Variants in NDST4 observed in about 807,000 individuals in gnomAD.
NDST4 encodes the protein N-heparan sulfate sulfotransferase 4.
In NDST4, 63 loss-of-function variants were observed where a neutral mutation model predicts 100.8. That is an observed-to-expected ratio of 0.62 (90% CI 0.51 to 0.77). NDST4 has a LOEUF of 0.77. Ranked by LOEUF, NDST4 falls within the 30% of genes least tolerant of loss-of-function variation. The pLI is 0.00. For missense variants in NDST4, 943 were observed against 1,018.4 expected (o/e 0.93, Z 1.01); for synonymous variants, 377 against 361.8 (o/e 1.04, Z -0.48).
At chr4:114,918,771 T>G (rs2126218158) in intron 6 of NDST4, among the ~76,000 whole-genome samples, 1 of 152,218 alleles carries the variant, frequency 6.6e-6, no homozygotes, top group South Asian at 2.1e-4. Context: ...GTTTGAAGTC[T>G]TCATTTGCAT....
intron 6 of NDST4, among the ~76,000 whole-genome samples, chr4:114,914,767 A>T (rs994574389): frequency 6.6e-6 from 1 of 152,172 alleles, no homozygotes; most frequent in African/African-American, 2.4e-5. Flanking sequence ...GGAAATGGAG[A>T]TGCGAAGTAC....
intron 2 of NDST4, among the ~76,000 whole-genome samples, chr4:114,988,410 G>A (rs1337865352): frequency 1.6e-5 from 2 of 125,086 alleles, no homozygotes; most frequent in African/African-American, 3.1e-5. Context: ...AGCCCAGGCT[G>A]GAGTGCAGTG....
intron 2 of NDST4, among the ~76,000 whole-genome samples, chr4:115,018,388 C>T (rs1453604075): frequency 6.6e-6 from 1 of 151,844 alleles, no homozygotes; most frequent in Admixed American, 6.6e-5. Flanking sequence ...TCTTTTTCCA[C>T]ATAAACAATA....
At chr4:114,883,336 A>T (rs778824550) in intron 6 of NDST4, among the ~76,000 whole-genome samples, 1 of 152,090 alleles carries the variant, frequency 6.6e-6, no homozygotes, top group Non-Finnish European at 1.5e-5. Context: ...ACTGAGTTAT[A>T]AGGGACCTGC....
chr4:114,938,428 C>T (rs1424916465), intron 4 of NDST4, among the ~76,000 whole-genome samples: 1 of 152,152 alleles, frequency 6.6e-6, no homozygotes, highest in Non-Finnish European at 1.5e-5. Flanking sequence ...TTGCTAGGTA[C>T]ATAAAATAGA....
At chr4:115,036,300 T>C (rs1316344477) in intron 2 of NDST4, among the ~76,000 whole-genome samples, 2 of 151,382 alleles carry the variant, frequency 1.3e-5, no homozygotes, top group African/African-American at 4.8e-5. Flanking sequence ...CACCTCATTA[T>C]TATTATAACT....
intron 11 of NDST4, among the ~76,000 whole-genome samples, chr4:114,835,772 T>C (rs1723294045): frequency 6.6e-6 from 1 of 152,216 alleles, no homozygotes; most frequent in Non-Finnish European, 1.5e-5. Flanking sequence ...GTTTAAGAAC[T>C]TGTTATATGA....
chr4:114,832,562 T>C (rs1267950949), intron 12 of NDST4, among the ~76,000 whole-genome samples: 4 of 152,198 alleles, frequency 2.6e-5, no homozygotes, highest in African/African-American at 7.2e-5. Flanking sequence ...TAAAAATATA[T>C]GGTTTTATTT....
At chr4:114,850,362 C>A (rs936366475) in intron 8 of NDST4, among the ~76,000 whole-genome samples, 1 of 152,060 alleles carries the variant, frequency 6.6e-6, no homozygotes, top group African/African-American at 2.4e-5. Flanking sequence ...GCCTCCAGGA[C>A]CTTAAGGGAC....
chr4:114,997,582 T>C (rs531731690), intron 2 of NDST4, among the ~76,000 whole-genome samples: 2 of 152,200 alleles, frequency 1.3e-5, no homozygotes, highest in African/African-American at 4.8e-5. Context: ...GAAAGCTATG[T>C]AAATTAATTC....
intron 6 of NDST4, among the ~76,000 whole-genome samples, chr4:114,877,875 G>A (rs1160152074): frequency 6.6e-6 from 1 of 151,806 alleles, no homozygotes; most frequent in East Asian, 1.9e-4. Context: ...TTGCTTCAAC[G>A]CTGGAGGCAG....
chr4:114,986,832 A>ATATATATATATATATATATTTT, intron 2 of NDST4, among the ~76,000 whole-genome samples: 48 of 94,630 alleles, frequency 5.1e-4, no homozygotes, highest in East Asian at 1.4e-3. Flanking sequence ...ATATATATAT[A>ATATATATATATATATATATTTT]TTTTAATATA....
chr4:115,064,019 C>T (rs981128376), intron 2 of NDST4, among the ~76,000 whole-genome samples: 3 of 151,882 alleles, frequency 2.0e-5, no homozygotes, highest in Non-Finnish European at 1.5e-5. Context: ...CAGCACTTAA[C>T]GTTAGTATTA....
intron 4 of NDST4, among the ~76,000 whole-genome samples, chr4:114,953,893 C>T (rs1366092984): frequency 6.6e-6 from 1 of 152,110 alleles, no homozygotes; most frequent in Non-Finnish European, 1.5e-5. Context: ...TACTTTTAAA[C>T]TGCTATAAAA....
intron 10 of NDST4, among the ~76,000 whole-genome samples, chr4:114,840,849 G>T (rs1338411807): frequency 6.6e-6 from 1 of 152,088 alleles, no homozygotes; most frequent in Admixed American, 6.6e-5. Flanking sequence ...AACTAGAAAA[G>T]TAAAGATGAT....
intron 6 of NDST4, among the ~76,000 whole-genome samples, chr4:114,923,739 A>G (rs1430801025): frequency 6.6e-6 from 1 of 152,014 alleles, no homozygotes; most frequent in Non-Finnish European, 1.5e-5. Context: ...TATAGAGAAA[A>G]AAGGTTTTAT....
chr4:114,859,643 C>T (rs944102230), intron 7 of NDST4, among the ~76,000 whole-genome samples: 10 of 152,108 alleles, frequency 6.6e-5, no homozygotes, highest in South Asian at 2.1e-4. Context: ...GCCACCTGAC[C>T]GGAAATCAAA....
intron 7 of NDST4, 55 bp from the exon 8 acceptor site, chr4:114,852,876 C>T (rs1578343980): frequency 4.0e-6 from 5 of 1,254,392 alleles, no homozygotes; most frequent in African/African-American, 3.1e-5. Context: ...TGGCTCTGTT[C>T]TCTAAAAATT....
chr4:114,963,339 T>C (rs1486353990), intron 4 of NDST4, among the ~76,000 whole-genome samples: 5 of 152,284 alleles, frequency 3.3e-5, no homozygotes, highest in South Asian at 4.1e-4. Context: ...AAAAAGACCA[T>C]GTAATGTATG....
Sources: gnomAD v4.1 joint callset for allele counts (sites outside exome capture counted in the v4.1 genomes callset) on GRCh38, gnomAD v4.1.1 for gene constraint, MANE v1.5 for transcripts, NCBI Gene and HGNC (gene_info 2026-07-23, HGNC 2026-07-21) for gene names.